The following ADAMTS16 variants were observed in gnomAD, a reference collection of about 807,000 sequenced individuals.
ADAMTS16 encodes the protein ADAM metallopeptidase with thrombospondin type 1 motif 16.
In ADAMTS16, 94 loss-of-function variants were observed where a neutral mutation model predicts 145.8. The ratio of observed to expected loss-of-function variants is 0.64; its 90% CI spans 0.55 to 0.77. The LOEUF (loss-of-function observed/expected upper bound fraction) is 0.77, where lower values mean the gene tolerates loss of function less well. Ranked by LOEUF, ADAMTS16 falls within the 30% of genes least tolerant of loss-of-function variation. ADAMTS16 has a pLI of 0.00. For missense variants in ADAMTS16, 1,585 were observed against 1,591.5 expected, an observed-to-expected ratio of 1.00 and a Z score of 0.07; for synonymous variants, 659 against 604.3, an observed-to-expected ratio of 1.09 and a Z score of -1.33.
At chr5:5,233,996 C>T (rs888176309) in intron 12 of ADAMTS16, among the ~76,000 whole-genome samples, 23 of 152,220 alleles carry the variant, frequency 1.5e-4, no homozygotes, top group African/African-American at 5.5e-4. Context: ...ATAACCTCGC[C>T]AGCACCTGTT....
chr5:5,251,976 G>A (rs943568494), intron 17 of ADAMTS16, among the ~76,000 whole-genome samples: 13 of 152,008 alleles, frequency 8.6e-5, no homozygotes, highest in African/African-American at 3.1e-4. Flanking sequence ...GCAGCCTCCC[G>A]AGTAGCTGGG....
intron 8 of ADAMTS16, among the ~76,000 whole-genome samples, chr5:5,192,261 C>T (rs1435000672): frequency 6.6e-6 from 1 of 152,166 alleles, no homozygotes; most frequent in Non-Finnish European, 1.5e-5. Context: ...CTCCAACACT[C>T]CTGTACACAC....
rs545095932 is a variant in ADAMTS16, at chr5:5,186,601, A to G, written c.963+350A>G. Among the ~76,000 whole-genome samples, 15 of 152,286 alleles carry G rather than the reference A, an allele frequency of 9.8e-5. 1 individual carries two copies. The highest frequency in any genetic ancestry group is 8.3e-4 in the South Asian group (4 of 4,820). ...CAGTAAATCTGATTATCAGCATTAG[A>G]TGTGTGATTTTAGATGGCTCTATAG... On this transcript the variant is annotated intron_variant, in intron 5 of 22. Coordinates refer to ENST00000274181, the MANE Select transcript of ADAMTS16 (RefSeq NM_139056.4).
chr5:5,179,610 G>A (rs1305069277), intron 3 of ADAMTS16, among the ~76,000 whole-genome samples: 1 of 152,234 alleles, frequency 6.6e-6, no homozygotes, highest in Non-Finnish European at 1.5e-5. Flanking sequence ...TGGTAGAACT[G>A]TAAAAGGTAA....
At chr5:5,197,444 T>C (rs1193788449) in intron 8 of ADAMTS16, among the ~76,000 whole-genome samples, 1 of 152,172 alleles carries the variant, frequency 6.6e-6, no homozygotes. Context: ...CAAACACGAA[T>C]AGAAACCTGT....
At chr5:5,184,028 G>T (rs1394784817) in intron 4 of ADAMTS16, among the ~76,000 whole-genome samples, 5 of 152,188 alleles carry the variant, frequency 3.3e-5, no homozygotes, top group African/African-American at 1.2e-4. Context: ...CCCCCCTGGG[G>T]TATGCAGGTG....
chr5:5,249,327 T>C (rs1737549276), intron 17 of ADAMTS16, among the ~76,000 whole-genome samples: 1 of 152,158 alleles, frequency 6.6e-6, no homozygotes, highest in South Asian at 2.1e-4. Context: ...CAGTTTTTCC[T>C]ACATGTGAGG....
chr5:5,168,408 G>A (rs903239791), intron 3 of ADAMTS16, among the ~76,000 whole-genome samples: 9 of 135,286 alleles, frequency 6.7e-5, no homozygotes, highest in South Asian at 4.7e-4. Flanking sequence ...TCTGGTTTGC[G>A]GGTGGTCATT....
intron 17 of ADAMTS16, 22 bp downstream of exon 17, chr5:5,242,213 T>C (rs983873123): frequency 6.2e-7 from 1 of 1,611,144 alleles, no homozygotes; most frequent in African/African-American, 1.3e-5. Context: ...CCAGTGCTGC[T>C]CCTGGAGGCA....
rs377291505 is a variant in ADAMTS16, at chr5:5,200,196, C to A, written c.1378C>A (p.Pro460Thr). Reference protein sequence around the residue: ...CKKSEGNIMSPTLAGRNGVFS... With the variant: ...CKKSEGNIMSTTLAGRNGVFS... The stretch of plus-strand genomic sequence containing the variant: ...AAAGTCCGAGGGCAACATCATGTCC[C>A]CTACATTGGCAGGACGCAATGGAGT... The change falls in exon 9 of 23, where the codon CCT (proline) becomes ACT (threonine). Residue 460 changes from proline (P) to threonine (T), a missense_variant. Transcript: ENST00000274181. 1 of 1,614,046 alleles carries A rather than the reference C, an allele frequency of 6.2e-7. No homozygotes were observed. The highest frequency in any genetic ancestry group is 2.2e-5 in the East Asian group (1 of 44,862).
At position 5,215,807 on chromosome 5, in the gene ADAMTS16, T is replaced by TG. The variant is rs1232471739; in HGVS notation, c.1605+6562dup. On this transcript the variant is annotated intron_variant, in intron 10 of 22. Transcript: ENST00000274181. Reference sequence around the variant, plus strand: ...TATATATATGTGTGGTATATATATGTGTGGTATATATATGTGGTATATATA... The same window carrying TG: ...TATATATATGTGTGGTATATATATGTGGTGGTATATATATGTGGTATATATA... 5.2e-3 allele frequency among the ~76,000 whole-genome samples: 194 copies of TG among 37,000 alleles called. 1 individual carries two copies. Among genetic ancestry groups the TG allele is most frequent in the South Asian group, 0.021 (25 of 1,198 alleles). The allele number at this position is 37,000 out of a possible 152,430, so 24.3% of individuals were successfully genotyped here.
intron 20 of ADAMTS16, among the ~76,000 whole-genome samples, chr5:5,305,147 C>T (rs1437680249): frequency 1.1e-5 from 1 of 89,072 alleles, no homozygotes; most frequent in Non-Finnish European, 2.4e-5. Context: ...ACACATCCCA[C>T]ACCACACACA....
At chr5:5,226,682 C>T (rs1230001913) in intron 11 of ADAMTS16, among the ~76,000 whole-genome samples, 2 of 152,214 alleles carry the variant, frequency 1.3e-5, no homozygotes, top group East Asian at 1.9e-4. Flanking sequence ...TTGATGGCAC[C>T]TCGTCTCCTC....
At chr5:5,312,309 T>C (rs1269412899) in intron 21 of ADAMTS16, among the ~76,000 whole-genome samples, 2 of 152,200 alleles carry the variant, frequency 1.3e-5, no homozygotes, top group South Asian at 2.1e-4. Flanking sequence ...AATTAAATTA[T>C]TGGAGCAGGG....
intron 3 of ADAMTS16, among the ~76,000 whole-genome samples, chr5:5,154,371 C>T (rs1188782794): frequency 6.6e-6 from 1 of 152,132 alleles, no homozygotes; most frequent in African/African-American, 2.4e-5. Flanking sequence ...TAATTTCTTA[C>T]TTTTCTGCTA....
In ADAMTS16 at chr5:5,236,379, C is replaced by T. The variant is rs147613752; in HGVS notation, c.2024-590C>T. On this transcript the variant is annotated intron_variant, in intron 13 of 22. Transcript: ENST00000274181. ...TTCATATTAAATATAAACCAAAAAC[C>T]TTGAAATGGATTATTTAGGAAGGAA... Among the ~76,000 whole-genome samples, 117 of 151,836 alleles carry T rather than the reference C, an allele frequency of 7.7e-4. 1 individual carries two copies. In the East Asian group the frequency reaches 0.02, roughly 26 times the overall value.
intron 2 of ADAMTS16, among the ~76,000 whole-genome samples, chr5:5,143,518 T>C (rs1734218822): frequency 6.6e-6 from 1 of 152,232 alleles, no homozygotes; most frequent in South Asian, 2.1e-4. Flanking sequence ...GGAACACTTT[T>C]ACACAGTTGG....
intron 4 of ADAMTS16, among the ~76,000 whole-genome samples, chr5:5,185,203 A>G (rs1220575397): frequency 1.3e-5 from 2 of 152,126 alleles, no homozygotes; most frequent in Admixed American, 6.6e-5. Context: ...GCAAAGGAAA[A>G]TGAAACGTGT....
rs569493336 is a variant in ADAMTS16 at position 5,319,303 on chromosome 5, G to A, written c.*165G>A. 8 of 613,886 alleles carry A rather than the reference G, an allele frequency of 1.3e-5. No homozygotes were observed. The highest frequency in any genetic ancestry group is 1.8e-5 in the African/African-American group (1 of 54,704). The allele number at this position is 613,886 out of a possible 1,614,324, so 38.0% of individuals were successfully genotyped here. ...GGAGTGTATGTATGTGTTTCACTGT[G>A]AGCCTGGGTGCAGACCTGTGTCCCC... On this transcript the variant is annotated 3_prime_UTR_variant, in exon 23 of 23. Coordinates refer to ENST00000274181, the MANE Select transcript of ADAMTS16 (RefSeq NM_139056.4).
Sources: allele counts gnomAD v4.1 joint callset (sites outside exome capture counted in the v4.1 genomes callset), GRCh38; gene constraint gnomAD v4.1.1; transcripts MANE v1.5; gene names NCBI Gene and HGNC (gene_info 2026-07-23, HGNC 2026-07-21).